Variants in HPSE2 observed in about 807,000 individuals in gnomAD.
HPSE2 encodes the protein inactive heparanase-2.
A neutral mutation model predicts 60.5 loss-of-function variants in HPSE2; 38 were observed. That is an observed-to-expected ratio of 0.63 (90% CI 0.48 to 0.82). HPSE2 has a LOEUF of 0.82. Ranked by LOEUF, HPSE2 falls within the 40% of genes least tolerant of loss-of-function variation. The pLI, the probability that HPSE2 is intolerant of heterozygous loss-of-function variation, is 0.00. For missense variants in HPSE2, 713 were observed against 740.4 expected (o/e 0.96, Z 0.43); for synonymous variants, 295 against 293.2 (o/e 1.01, Z -0.06).
intron 3 of HPSE2, among the ~76,000 whole-genome samples, chr10:98,902,796 T>A (rs2134985994): frequency 6.6e-6 from 1 of 152,276 alleles, no homozygotes; most frequent in South Asian, 2.1e-4. Context: ...TTAAGTGTAA[T>A]GATTTCTGCA....
chr10:98,690,766 C>G (rs898854085), intron 6 of HPSE2, among the ~76,000 whole-genome samples: 2 of 151,456 alleles, frequency 1.3e-5, no homozygotes, highest in African/African-American at 4.8e-5. Context: ...TGTAATTATA[C>G]TTTCATCTTA....
At chr10:99,077,804 C>T (rs1224260341) in intron 3 of HPSE2, among the ~76,000 whole-genome samples, 3 of 151,912 alleles carry the variant, frequency 2.0e-5, no homozygotes, top group Non-Finnish European at 4.4e-5. Flanking sequence ...CTCCTGATTT[C>T]ATTGATCATG....
intron 1 of HPSE2, 63 bp from the exon 2 acceptor site, chr10:99,232,568 G>A (rs372212556): frequency 2.6e-6 from 4 of 1,515,848 alleles, no homozygotes; most frequent in Admixed American, 3.9e-5. Flanking sequence ...CGTGGGGCAC[G>A]GAGAAGGGCC....
chr10:99,252,887 A>G, the HPSE2 span, among the ~76,000 whole-genome samples: 1 of 152,120 alleles, frequency 6.6e-6, no homozygotes, highest in East Asian at 1.9e-4. Context: ...AAAAAAAAAA[A>G]AAAAAAAAAT....
chr10:98,799,642 T>C (rs1950860840), intron 3 of HPSE2, among the ~76,000 whole-genome samples: 2 of 151,784 alleles, frequency 1.3e-5, no homozygotes, highest in Non-Finnish European at 2.9e-5. Flanking sequence ...TTTTGGACAC[T>C]ATACAAACAC....
intron 3 of HPSE2, among the ~76,000 whole-genome samples, chr10:98,807,035 T>C (rs951076783): frequency 2.6e-5 from 4 of 152,068 alleles, no homozygotes; most frequent in African/African-American, 9.7e-5. Flanking sequence ...CCCAGCTATT[T>C]GGGAGGCTGA....
chr10:99,049,131 T>C lies in HPSE2; in HGVS notation c.610+95107A>G, dbSNP rs142992794. 1.2e-3 allele frequency among the ~76,000 whole-genome samples: 185 copies of C among 152,332 alleles called. 3 individuals are homozygous for C. In the East Asian group the frequency reaches 0.033, roughly 27 times the overall value. On this transcript the variant is annotated intron_variant, in intron 3 of 11. Coordinates refer to ENST00000370552, the MANE Select transcript of HPSE2 (RefSeq NM_021828.5). The stretch of plus-strand genomic sequence containing the variant: ...CTTGAAAAATCTGCCTGTTGGGTAC[T>C]ATGTGTACTACCTGGATGCAATATA...
At chr10:99,008,700 A>G (rs1956943988) in intron 3 of HPSE2, among the ~76,000 whole-genome samples, 1 of 152,240 alleles carries the variant, frequency 6.6e-6, no homozygotes, top group African/African-American at 2.4e-5. Flanking sequence ...TAATGTGTCA[A>G]TAATCGAGAG....
intron 3 of HPSE2, among the ~76,000 whole-genome samples, chr10:99,091,951 T>C (rs980950800): frequency 1.3e-5 from 2 of 152,194 alleles, no homozygotes; most frequent in Non-Finnish European, 2.9e-5. Context: ...ATGAGCTCAA[T>C]TGCTGAGAAT....
intron 11 of HPSE2, among the ~76,000 whole-genome samples, chr10:98,479,259 C>G (rs569903029): frequency 5.9e-5 from 9 of 152,302 alleles, no homozygotes; most frequent in African/African-American, 1.7e-4. Context: ...CTTCCTGGTT[C>G]CTCCAGACAG....
chr10:98,696,456 G>T (rs1948220473), intron 5 of HPSE2, among the ~76,000 whole-genome samples: 1 of 152,052 alleles, frequency 6.6e-6, no homozygotes, highest in Non-Finnish European at 1.5e-5. Context: ...AGCCACACAG[G>T]GCAGGGAAGC....
intron 3 of HPSE2, among the ~76,000 whole-genome samples, chr10:98,985,393 G>A (rs11189918): frequency 0.15 from 23,129 of 152,094 alleles, 2,634 homozygotes; most frequent in African/African-American, 0.31. Context: ...GCCAAACTAA[G>A]CTTCATAAGT....
intron 3 of HPSE2, among the ~76,000 whole-genome samples, chr10:98,863,966 T>C (rs889917821): frequency 1.5e-4 from 23 of 152,124 alleles, no homozygotes; most frequent in African/African-American, 5.5e-4. Context: ...TATGAATATA[T>C]ATATACACGT....
At chr10:98,613,678 T>C (rs1945821549) in intron 9 of HPSE2, among the ~76,000 whole-genome samples, 1 of 152,232 alleles carries the variant, frequency 6.6e-6, no homozygotes, top group African/African-American at 2.4e-5. Flanking sequence ...CAAATAGTTC[T>C]GTAGAAAGAG....
At chr10:98,595,557 C>T (rs1203347456) in intron 9 of HPSE2, among the ~76,000 whole-genome samples, 1 of 152,112 alleles carries the variant, frequency 6.6e-6, no homozygotes, top group Admixed American at 6.5e-5. Flanking sequence ...GTTTTATATC[C>T]TGCAATTTTA....
At chr10:98,880,036 G>A (rs1347275009) in intron 3 of HPSE2, among the ~76,000 whole-genome samples, 2 of 152,074 alleles carry the variant, frequency 1.3e-5, no homozygotes, top group Admixed American at 1.3e-4. Flanking sequence ...GCAGCTGGAG[G>A]CATGTCTTTT....
intron 4 of HPSE2, 148 bp from the exon 5 acceptor site, chr10:98,721,976 A>G (rs956261874): frequency 5.5e-6 from 4 of 730,836 alleles, no homozygotes; most frequent in African/African-American, 5.4e-5. Context: ...AACTTAAAGA[A>G]CCACCCAAAC....
chr10:99,231,934 A>C (rs1479087593), intron 2 of HPSE2, among the ~76,000 whole-genome samples: 2 of 152,158 alleles, frequency 1.3e-5, no homozygotes, highest in Non-Finnish European at 2.9e-5. Context: ...TCTGACCTTT[A>C]ATAATCTATG....
chr10:98,825,355 G>A (rs1471759395), intron 3 of HPSE2, among the ~76,000 whole-genome samples: 3 of 152,146 alleles, frequency 2.0e-5, no homozygotes, highest in Non-Finnish European at 4.4e-5. Flanking sequence ...AATTATTTGA[G>A]AAAAGGCTGG....
Sources: gnomAD v4.1 joint callset for allele counts (sites outside exome capture counted in the v4.1 genomes callset) on GRCh38, gnomAD v4.1.1 for gene constraint, MANE v1.5 for transcripts, NCBI Gene and HGNC (gene_info 2026-07-23, HGNC 2026-07-21) for gene names.